Variants in PLD5 observed in about 807,000 individuals in gnomAD.
The protein encoded by PLD5 is inactive phospholipase D5.
In PLD5, 36 loss-of-function variants were observed where a neutral mutation model predicts 61.1. That is an observed-to-expected ratio of 0.59 (90% CI 0.45 to 0.78). PLD5 has a LOEUF of 0.78. PLD5 is among the 30% of genes least tolerant of loss of function. The probability of loss-of-function intolerance (pLI) is 0.00; values close to 1 mark genes in which losing one functional copy is unlikely to be tolerated. For missense variants in PLD5, 515 were observed against 644.4 expected, an observed-to-expected ratio of 0.80 and a Z score of 2.17; for synonymous variants, 243 against 242.8, an observed-to-expected ratio of 1.00 and a Z score of -0.01.
At chr1:242,112,323 G>GTATATATA (rs1491036599) in intron 7 of PLD5, among the ~76,000 whole-genome samples, 3 of 80,568 alleles carry the variant, frequency 3.7e-5, no homozygotes, top group Admixed American at 1.4e-4. Flanking sequence ...GTGTGTGTGT[G>GTATATATA]TATGTATGTA....
intron 8 of PLD5, among the ~76,000 whole-genome samples, 163 bp downstream of exon 8, chr1:242,107,508 T>TC (rs1661157430): frequency 6.6e-6 from 1 of 152,212 alleles, no homozygotes; most frequent in Non-Finnish European, 1.5e-5. Context: ...TCTACTCTTT[T>TC]TTTCGTATGT....
chr1:242,375,610 T>G (rs1661904525), intron 1 of PLD5, among the ~76,000 whole-genome samples: 1 of 151,968 alleles, frequency 6.6e-6, no homozygotes. Flanking sequence ...TTCCTTTACT[T>G]AAAAAAATAA....
chr1:242,406,153 AC>A (rs1664224795), intron 1 of PLD5, among the ~76,000 whole-genome samples: 1 of 151,672 alleles, frequency 6.6e-6, no homozygotes, highest in Non-Finnish European at 1.5e-5. Flanking sequence ...TATGCATCAC[AC>A]CCTCCCAGGG....
chr1:242,377,064 T>C, intron 1 of PLD5: 1 of 1,611,568 alleles, frequency 6.2e-7, no homozygotes, highest in Non-Finnish European at 8.5e-7. Flanking sequence ...ATCAGGGGAG[T>C]CATCCTCGTG....
At chr1:242,238,777 T>C (rs376247211) in intron 4 of PLD5, among the ~76,000 whole-genome samples, 1 of 152,168 alleles carries the variant, frequency 6.6e-6, no homozygotes. Flanking sequence ...TTTGAGGTTA[T>C]GGGGCCATCT....
chr1:242,446,091 T>A (rs1438893188), intron 1 of PLD5, among the ~76,000 whole-genome samples: 1 of 151,986 alleles, frequency 6.6e-6, no homozygotes, highest in African/African-American at 2.4e-5. Context: ...AAGCTAAGAA[T>A]TAAAAAGGTT....
In PLD5 at chr1:242,088,335, C is replaced by T. The variant is rs1433102779; in HGVS notation, c.*1519G>A. ...GTGCTCTTTTCATCCACATTTGCAA[C>T]AGGAAGCTGTGAATTTGTTTTCCTT... is the stretch of plus-strand genomic sequence containing the variant. On this transcript the variant is annotated 3_prime_UTR_variant, in exon 10 of 10. Coordinates refer to ENST00000536534, the MANE Select transcript of PLD5 (RefSeq NM_001372062.1). 6.6e-6 allele frequency: 1 copy of T among 152,170 alleles called. No homozygotes were observed. Among genetic ancestry groups the T allele is most frequent in the Admixed American group, 6.5e-5 (1 of 15,278 alleles). 9.4% of individuals were successfully genotyped at this position (152,170 alleles called of 1,614,324 possible).
chr1:242,174,085 A>C (rs1666953738), intron 5 of PLD5, among the ~76,000 whole-genome samples: 1 of 152,240 alleles, frequency 6.6e-6, no homozygotes, highest in Non-Finnish European at 1.5e-5. Context: ...GCACAGCAAA[A>C]GAAACTACCA....
At chr1:242,172,478 A>T (rs1239920336) in intron 5 of PLD5, among the ~76,000 whole-genome samples, 1 of 152,184 alleles carries the variant, frequency 6.6e-6, no homozygotes, top group Non-Finnish European at 1.5e-5. Context: ...CTAGAGAAGC[A>T]AGAGCAAACA....
At chr1:242,383,839 C>A (rs1468204496) in intron 1 of PLD5, among the ~76,000 whole-genome samples, 1 of 152,176 alleles carries the variant, frequency 6.6e-6, no homozygotes, top group Non-Finnish European at 1.5e-5. Flanking sequence ...AGACCCACTG[C>A]ATTTTCCTGA....
intron 5 of PLD5, among the ~76,000 whole-genome samples, chr1:242,189,296 A>G (rs1668091861): frequency 6.6e-6 from 1 of 151,982 alleles, no homozygotes; most frequent in Non-Finnish European, 1.5e-5. Flanking sequence ...AATACAAAAA[A>G]TTAGCTGGGC....
intron 5 of PLD5, among the ~76,000 whole-genome samples, chr1:242,146,539 T>C (rs1664554361): frequency 6.6e-6 from 1 of 152,146 alleles, no homozygotes; most frequent in South Asian, 2.1e-4. Flanking sequence ...TAATTTTAGG[T>C]TTTTTTCACA....
At chr1:242,445,246 A>C (rs1437615706) in intron 1 of PLD5, among the ~76,000 whole-genome samples, 4 of 152,210 alleles carry the variant, frequency 2.6e-5, no homozygotes, top group Non-Finnish European at 4.4e-5. Context: ...AGAAGGCATC[A>C]TCTATTAAGC....
chr1:242,445,205 C>T lies in PLD5; in HGVS notation c.189+78883G>A, dbSNP rs754890747. ...TATAAAAGAGACACCAGAGAGCTAT[C>T]GAGCTCATTCTACTGTGTGAACACA... is the stretch of plus-strand genomic sequence containing the variant. On this transcript the variant is annotated intron_variant, in intron 1 of 9. Coordinates refer to ENST00000536534, the MANE Select transcript of PLD5 (RefSeq NM_001372062.1). Among the ~76,000 whole-genome samples the T allele has an allele frequency of 1.4e-4, 21 of 152,170 alleles. No individual in the cohort carries two copies. The South Asian group carries it at 1.4e-3, about 11-fold the overall frequency.
chr1:242,088,194 C>T lies in PLD5; in HGVS notation c.*1660G>A, dbSNP rs1659560096. 6.6e-6 allele frequency: 1 copy of T among 152,116 alleles called. No individual in the cohort carries two copies. Among genetic ancestry groups the T allele is most frequent in the South Asian group, 2.1e-4 (1 of 4,830 alleles). 9.4% of individuals were successfully genotyped at this position (152,116 alleles called of 1,614,324 possible). ...ACATGTATATTATGGTCCTGAAGAA[C>T]CAGCTCTAGCACGACGTCTAGTTTT... On this transcript the variant is annotated 3_prime_UTR_variant, in exon 10 of 10. Coordinates refer to ENST00000536534, the MANE Select transcript of PLD5 (RefSeq NM_001372062.1).
chr1:242,242,006 T>TAGAC (rs1558388065), intron 4 of PLD5, among the ~76,000 whole-genome samples: 9 of 125,108 alleles, frequency 7.2e-5, no homozygotes, highest in Non-Finnish European at 1.3e-4. Context: ...TATATATATA[T>TAGAC]ATATAGACAC....
At chr1:242,404,738 C>T (rs1471419041) in intron 1 of PLD5, among the ~76,000 whole-genome samples, 2 of 151,656 alleles carry the variant, frequency 1.3e-5, no homozygotes, top group African/African-American at 4.9e-5. Flanking sequence ...ACTCCACATA[C>T]ACTCACACAC....
At chr1:242,408,938 G>A (rs969446387) in intron 1 of PLD5, among the ~76,000 whole-genome samples, 1 of 151,974 alleles carries the variant, frequency 6.6e-6, no homozygotes, top group Non-Finnish European at 1.5e-5. Flanking sequence ...TTTGTGGCAG[G>A]TGCCTGTAAT....
intron 5 of PLD5, among the ~76,000 whole-genome samples, chr1:242,207,840 A>ATATT (rs1669467835): frequency 5.3e-5 from 2 of 37,844 alleles, no homozygotes; most frequent in Non-Finnish European, 1.0e-4. Context: ...ATATTTATAT[A>ATATT]TTTATATATA....
Sources: gnomAD v4.1 joint callset for allele counts (sites outside exome capture counted in the v4.1 genomes callset) on GRCh38, gnomAD v4.1.1 for gene constraint, MANE v1.5 for transcripts, NCBI Gene and HGNC (gene_info 2026-07-23, HGNC 2026-07-21) for gene names.